TENM4: variants seen among roughly 807,000 people sequenced by gnomAD.
The protein encoded by TENM4 is teneurin-4.
A neutral mutation model predicts 243.3 loss-of-function variants in TENM4; 82 were observed. The ratio of observed to expected loss-of-function variants is 0.34; its 90% CI spans 0.28 to 0.40. TENM4 has a LOEUF of 0.40. TENM4 is among the 10% of genes least tolerant of loss of function. The pLI, the probability that TENM4 is intolerant of heterozygous loss-of-function variation, is 1.00. For synonymous variants in TENM4, 1,412 were observed against 1,456.3 expected, an observed-to-expected ratio of 0.97 and a Z score of 0.69; for missense variants, 3,138 against 3,673.3, an observed-to-expected ratio of 0.85 and a Z score of 3.77.
intron 12 of TENM4, 65 bp from the exon 13 acceptor site, chr11:78,814,460 A>C: frequency 7.0e-7 from 1 of 1,425,304 alleles, no homozygotes; most frequent in Non-Finnish European, 9.6e-7. Context: ...GAGCCCAGGA[A>C]TCAAGCTTTA....
At chr11:78,677,265 T>C (rs1162976408) in intron 29 of TENM4, among the ~76,000 whole-genome samples, 2 of 151,912 alleles carry the variant, frequency 1.3e-5, no homozygotes, top group African/African-American at 4.8e-5. Flanking sequence ...TTTTTTTTTT[T>C]TGGAGACAGG....
intron 4 of TENM4, among the ~76,000 whole-genome samples, chr11:79,104,631 C>A (rs775511407): frequency 9.2e-5 from 14 of 152,242 alleles, no homozygotes; most frequent in Non-Finnish European, 1.8e-4. Flanking sequence ...TAGGTTGCTC[C>A]AGGTCTTCCC....
intron 2 of TENM4, among the ~76,000 whole-genome samples, chr11:79,294,018 GC>G (rs1160184846): frequency 1.3e-5 from 2 of 152,220 alleles, no homozygotes; most frequent in Non-Finnish European, 2.9e-5. Flanking sequence ...TCCAGGTCAG[GC>G]CTTCAGGGGC....
chr11:78,773,413 T>C (rs1485016321), intron 17 of TENM4, among the ~76,000 whole-genome samples: 3 of 152,190 alleles, frequency 2.0e-5, no homozygotes, highest in Non-Finnish European at 4.4e-5. Flanking sequence ...AAGCCTGGCA[T>C]ACAGCTCAAA....
At chr11:78,987,752 G>A (rs1361065980) in intron 6 of TENM4, among the ~76,000 whole-genome samples, 1 of 152,210 alleles carries the variant, frequency 6.6e-6, no homozygotes, top group African/African-American at 2.4e-5. Context: ...TTTCTATCTT[G>A]TAGGCACTGT....
Position 79,309,525 on chromosome 11 carries a change from A to G in TENM4, c.-320-11982T>C, listed in dbSNP as rs974299147. 7.9e-5 allele frequency among the ~76,000 whole-genome samples: 12 copies of G among 152,394 alleles called. No homozygotes were observed. The East Asian group carries it at 2.3e-3, about 29-fold the overall frequency. ...TTATTAATAACCCTGGATCGTGCTC[A>G]TAGCACATCAAGGTAAACAGAGACA... is the stretch of plus-strand genomic sequence containing the variant. On this transcript the variant is annotated intron_variant, in intron 1 of 33. Transcript: ENST00000278550.
At chr11:78,812,099 G>A in intron 14 of TENM4, 23 bp downstream of exon 14, 2 of 1,544,144 alleles carry the variant, frequency 1.3e-6, no homozygotes, top group Non-Finnish European at 1.8e-6. Context: ...GAAGGTGCCG[G>A]AGCTGCCACC....
chr11:78,796,714 T>C (rs1857168108), intron 15 of TENM4, among the ~76,000 whole-genome samples: 1 of 152,184 alleles, frequency 6.6e-6, no homozygotes, highest in African/African-American at 2.4e-5. Flanking sequence ...TCCTCATCTT[T>C]TCCCCCTCTC....
At chr11:78,886,160 C>T (rs1278706198) in intron 9 of TENM4, among the ~76,000 whole-genome samples, 1 of 152,056 alleles carries the variant, frequency 6.6e-6, no homozygotes, top group African/African-American at 2.4e-5. Flanking sequence ...AATTAGTAAA[C>T]CCAGTCAGAC....
chr11:79,330,239 A>T (rs547816462), intron 1 of TENM4, among the ~76,000 whole-genome samples: 1 of 152,350 alleles, frequency 6.6e-6, no homozygotes, highest in African/African-American at 2.4e-5. Context: ...AACCAGGTTC[A>T]GGGGTAGACT....
chr11:79,139,620 T>TAGAA (rs1475131180), intron 4 of TENM4, among the ~76,000 whole-genome samples: 1 of 102,718 alleles, frequency 9.7e-6, no homozygotes, highest in East Asian at 3.0e-4. Context: ...ATTATATTTA[T>TAGAA]ATAAGTATAT....
intron 9 of TENM4, among the ~76,000 whole-genome samples, chr11:78,875,469 G>A (rs761233603): frequency 1.4e-4 from 22 of 152,164 alleles, no homozygotes; most frequent in African/African-American, 5.3e-4. Context: ...CTCCCAAAAC[G>A]CTAGGATTAC....
intron 4 of TENM4, among the ~76,000 whole-genome samples, chr11:79,079,130 T>C (rs1860602350): frequency 6.6e-6 from 1 of 152,220 alleles, no homozygotes; most frequent in African/African-American, 2.4e-5. Flanking sequence ...GAGACAGGGC[T>C]TTCCTGGGAG....
chr11:79,068,647 AG>A, intron 5 of TENM4, among the ~76,000 whole-genome samples: 1 of 152,310 alleles, frequency 6.6e-6, no homozygotes, highest in Middle Eastern at 3.4e-3. Flanking sequence ...AAGGGGGAGA[AG>A]GGCAGAGCAA....
chr11:79,319,368 C>T (rs1267265423), intron 1 of TENM4, among the ~76,000 whole-genome samples: 5 of 152,130 alleles, frequency 3.3e-5, no homozygotes, highest in Admixed American at 2.6e-4. Context: ...AGGAAATCTG[C>T]TCACCCTTAT....
chr11:79,097,716 G>A (rs537084667), intron 4 of TENM4: 1 of 151,880 alleles, frequency 6.6e-6, no homozygotes, highest in African/African-American at 2.4e-5. Context: ...AGGATGTTAC[G>A]AAACAGCGAA....
At position 78,676,372 on chromosome 11, in the gene TENM4, C is replaced by T. The variant is rs1858477678; in HGVS notation, c.5276G>A (p.Ser1759Asn). Residue 1759 changes from serine to asparagine, a missense_variant, in exon 30 of 34, where the codon AGC becomes AAC. Ser to Asn is a conservative substitution (Grantham distance 46). This residue lies in a region of TENM4 where 2,467 missense variants were observed against 3,059.1 expected (regional missense o/e 0.81). Coordinates refer to ENST00000278550, the MANE Select transcript of TENM4 (RefSeq NM_001098816.3). ...YTLLQDQVRN[S>N]YYIGADGSLR... is the part of the protein sequence containing the mutation. ...GGAGCCATCGGCCCCGATGTAGTAG[C>T]TGTTCCGGACTTGGTCTGCAGGAGA... is the stretch of plus-strand genomic sequence containing the variant. 1.3e-6 allele frequency: 2 copies of T among 1,596,816 alleles called. No individual in the cohort carries two copies. The highest frequency in any genetic ancestry group is 8.6e-7 in the Non-Finnish European group (1 of 1,166,530).
chr11:79,150,669 C>T (rs1436872698), intron 3 of TENM4, among the ~76,000 whole-genome samples: 2 of 152,164 alleles, frequency 1.3e-5, no homozygotes, highest in African/African-American at 2.4e-5. Context: ...CATTTGCTAG[C>T]AGGGACCCCT....
At chr11:79,217,807 C>G (rs967758008) in intron 2 of TENM4, among the ~76,000 whole-genome samples, 2 of 151,868 alleles carry the variant, frequency 1.3e-5, no homozygotes, top group Non-Finnish European at 2.9e-5. Context: ...ACTGCAACCT[C>G]CGCCTCCCAG....
Sources: gnomAD v4.1 joint callset for allele counts (sites outside exome capture counted in the v4.1 genomes callset) on GRCh38, gnomAD v4.1.1 for gene constraint, gnomAD v4.1.1 regional missense constraint, MANE v1.5 for transcripts, NCBI Gene and HGNC (gene_info 2026-07-23, HGNC 2026-07-21) for gene names.